ADHFE1: variants seen among roughly 807,000 people sequenced by gnomAD.
The protein encoded by ADHFE1 is alcohol dehydrogenase iron containing 1.
Under a neutral mutation model 54.8 loss-of-function variants are expected in ADHFE1, and 37 were observed. That is an observed-to-expected ratio of 0.68 (90% CI 0.52 to 0.89). The LOEUF is 0.89. Among genes scored for constraint, ADHFE1 ranks in the 40% least tolerant of loss-of-function variants. ADHFE1 has a pLI of 0.00. For missense variants in ADHFE1, 601 were observed against 591.2 expected, an observed-to-expected ratio of 1.02 and a Z score of -0.17; for synonymous variants, 203 against 229.3, an observed-to-expected ratio of 0.89 and a Z score of 1.04.
intron 1 of ADHFE1, chr8:66,432,922 A>G: frequency 1.3e-5 from 14 of 1,091,060 alleles, no homozygotes; most frequent in Non-Finnish European, 1.6e-5. Context: ...TATTGGGCAT[A>G]TATTATGTGC....
Position 66,444,765 on chromosome 8 carries a change from GTTA to G in ADHFE1, c.353+20_353+22del, listed in dbSNP as rs1267044326. 1 of 1,612,882 alleles carries G rather than the reference GTTA, an allele frequency of 6.2e-7. No homozygotes were observed. Among genetic ancestry groups the G allele is most frequent in the Non-Finnish European group, 8.5e-7 (1 of 1,179,618 alleles). On this transcript the variant is annotated intron_variant, in intron 5 of 13. Transcript: ENST00000396623. ...GGATTCAAGGTATTCTTGTATTGTT[GTTA>G]TTGTTTCTTTACTTTAAGCAGAAGC...
At chr8:66,446,557 T>C (rs568621630) in intron 6 of ADHFE1, among the ~76,000 whole-genome samples, 2 of 152,170 alleles carry the variant, frequency 1.3e-5, no homozygotes, top group Non-Finnish European at 2.9e-5. Flanking sequence ...GACACAGAAG[T>C]CATACATGCA....
Position 66,434,765 on chromosome 8 carries a change from C to T in ADHFE1, c.59+2190C>T, listed in dbSNP as rs374771317. On this transcript the variant is annotated intron_variant, in intron 1 of 13. Coordinates refer to ENST00000396623, the MANE Select transcript of ADHFE1 (RefSeq NM_144650.3). ...CTGAAGGAGACAGAGGCAAGGCGTG[C>T]ACTGGCCAGAGAGGTTGTGGGAAGG... is the stretch of plus-strand genomic sequence containing the variant. Among the ~76,000 whole-genome samples, 23 of 152,334 alleles carry T rather than the reference C, an allele frequency of 1.5e-4. No homozygotes were observed. In the South Asian group the frequency reaches 2.3e-3, roughly 15 times the overall value.
At position 66,453,796 on chromosome 8, in the gene ADHFE1, C is replaced by T. The variant is rs78592248; in HGVS notation, c.888-263C>T. ...GGCCCTCGCCATCCAGGGACCAGCG[C>T]GTTGCCTCCCCCGGCGCTTTTACAT... On this transcript the variant is annotated intron_variant, in intron 9 of 13. Transcript: ENST00000396623. 2.8e-3 allele frequency: 3,949 copies of T among 1,431,828 alleles called. 102 individuals are homozygous for T. In the African/African-American group the frequency reaches 0.049, roughly 18 times the overall value. The allele number at this position is 1,431,828 out of a possible 1,614,324, so 88.7% of individuals were successfully genotyped here.
intron 10 of ADHFE1, among the ~76,000 whole-genome samples, chr8:66,454,711 T>C (rs947657237): frequency 6.6e-6 from 1 of 151,968 alleles, no homozygotes; most frequent in African/African-American, 2.4e-5. Flanking sequence ...TTTTTTCTTT[T>C]TCTTTTTTCT....
At chr8:66,432,875 G>A (rs2130311502) in intron 1 of ADHFE1, 1 of 1,204,670 alleles carries the variant, frequency 8.3e-7, no homozygotes, top group Non-Finnish European at 1.0e-6. Flanking sequence ...TTGGCACGGT[G>A]GCCAAGACAA....
chr8:66,460,120 G>A (rs1447929078), intron 12 of ADHFE1, 188 bp from the exon 13 acceptor site: 30 of 644,164 alleles, frequency 4.7e-5, no homozygotes, highest in South Asian at 2.5e-4. Flanking sequence ...CAGCCCCTCC[G>A]AAATGTCAGA....
intron 2 of ADHFE1, among the ~76,000 whole-genome samples, chr8:66,441,744 C>T (rs755478459): frequency 1.4e-4 from 21 of 152,044 alleles, no homozygotes; most frequent in Non-Finnish European, 2.4e-4. Context: ...CACCCATAAT[C>T]CTAGGACTTT....
intron 2 of ADHFE1, among the ~76,000 whole-genome samples, chr8:66,441,447 A>C (rs975400477): frequency 6.6e-6 from 1 of 152,188 alleles, no homozygotes; most frequent in Non-Finnish European, 1.5e-5. Context: ...GTTTTGGTTA[A>C]GGATGCCTTT....
Position 66,456,867 on chromosome 8 carries a change from AG to A in ADHFE1, c.1039del (p.Asp347IlefsTer74). The A allele has an allele frequency of 1.3e-6, 2 of 1,588,112 alleles. No individual in the cohort carries two copies. Among genetic ancestry groups the A allele is most frequent in the Non-Finnish European group, 1.7e-6 (2 of 1,170,356 alleles). On this transcript the variant is annotated frameshift_variant, in exon 11 of 14. Coordinates refer to ENST00000396623, the MANE Select transcript of ADHFE1 (RefSeq NM_144650.3). LOFTEE classifies it high-confidence loss of function. The part of the protein sequence containing the change: ...ISGLVKMYKA[K>X]DYNVDHPLVP... Reference sequence around the variant, plus strand: ...GGTTTAGTGAAGATGTATAAAGCAAAGGATTACAATGTGGATCACCCACTGG... The same window carrying A: ...GGTTTAGTGAAGATGTATAAAGCAAAGATTACAATGTGGATCACCCACTGG...
chr8:66,440,192 C>T lies in ADHFE1; in HGVS notation c.90C>T (p.Tyr30=), dbSNP rs1239163375. ...AGTGCCCAACTCATTCTCATACTTA[C>T]TCCCAAGGTAATACTTCTGTATTTT... ...ACQCPTHSHT[Y]SQAPGLSPSG... Residue 30 remains tyrosine (Y), a synonymous_variant, in exon 2 of 14, where the codon TAC becomes TAT. Coordinates refer to ENST00000396623, the MANE Select transcript of ADHFE1 (RefSeq NM_144650.3). 10 of 1,413,514 alleles carry T rather than the reference C, an allele frequency of 7.1e-6. No individual in the cohort carries two copies. Among genetic ancestry groups the T allele is most frequent in the South Asian group, 2.3e-5 (2 of 87,208 alleles). The allele number at this position is 1,413,514 out of a possible 1,614,324, so 87.6% of individuals were successfully genotyped here.
intron 1 of ADHFE1, among the ~76,000 whole-genome samples, chr8:66,435,279 T>G (rs1195638591): frequency 6.6e-6 from 1 of 152,196 alleles, no homozygotes; most frequent in Non-Finnish European, 1.5e-5. Context: ...CACATTTGTC[T>G]TAACAGTTCC....
chr8:66,444,154 A>G (rs1450786995), intron 3 of ADHFE1, among the ~76,000 whole-genome samples: 1 of 152,184 alleles, frequency 6.6e-6, no homozygotes, highest in Non-Finnish European at 1.5e-5. Flanking sequence ...GGGAAAAGAC[A>G]AGTCATTCAA....
At position 66,460,188 on chromosome 8, in the gene ADHFE1, G is replaced by A. The variant is rs886733175; in HGVS notation, c.1163-120G>A. On this transcript the variant is annotated intron_variant, in intron 12 of 13. Transcript: ENST00000396623. ...TCCTGGGGAGGCACACGATGGCCCC[G>A]TGCTGGGCGTTAGGGAGACCCCGTG... 3.5e-5 allele frequency: 45 copies of A among 1,303,932 alleles called. 1 individual carries two copies. Among genetic ancestry groups the A allele is most frequent in the African/African-American group, 2.5e-4 (17 of 67,770 alleles). The allele number at this position is 1,303,932 out of a possible 1,614,324, so 80.8% of individuals were successfully genotyped here.
intron 6 of ADHFE1, among the ~76,000 whole-genome samples, chr8:66,446,686 A>T (rs2718988): frequency 2.6e-5 from 4 of 152,202 alleles, no homozygotes; most frequent in African/African-American, 9.6e-5. Flanking sequence ...CATATTAAAC[A>T]TGACCATGTT....
At chr8:66,461,316 A>G (rs1806886842) in intron 13 of ADHFE1, among the ~76,000 whole-genome samples, 1 of 152,122 alleles carries the variant, frequency 6.6e-6, no homozygotes, top group Non-Finnish European at 1.5e-5. Context: ...GAGGATAAGG[A>G]TCTTCTGCCA....
intron 10 of ADHFE1, 25 bp downstream of exon 10, chr8:66,454,182 C>A: frequency 6.2e-7 from 1 of 1,610,228 alleles, no homozygotes; most frequent in East Asian, 2.2e-5. Context: ...GATTTCATTT[C>A]TTTACTCAAG....
At chr8:66,440,255 A>G (rs1805681079) in intron 2 of ADHFE1, 56 bp downstream of exon 2, 3 of 1,534,112 alleles carry the variant, frequency 2.0e-6, no homozygotes, top group Non-Finnish European at 2.7e-6. Context: ...ATTTGGCATT[A>G]TAATACATTT....
chr8:66,461,815 T>A (rs1394918660), intron 13 of ADHFE1, among the ~76,000 whole-genome samples: 1 of 152,128 alleles, frequency 6.6e-6, no homozygotes, highest in Non-Finnish European at 1.5e-5. Context: ...GAACCACCAG[T>A]TTCCCTGATT....
Sources: allele counts gnomAD v4.1 joint callset (sites outside exome capture counted in the v4.1 genomes callset), GRCh38; gene constraint gnomAD v4.1.1; transcripts MANE v1.5; gene names NCBI Gene and HGNC (gene_info 2026-07-23, HGNC 2026-07-21).